The following DCC variants were observed in gnomAD, a reference collection of about 807,000 sequenced individuals.
DCC encodes DCC netrin 1 receptor, also known as netrin receptor DCC.
In DCC, 58 loss-of-function variants were observed where a neutral mutation model predicts 172.5. The ratio of observed to expected loss-of-function variants is 0.34; its 90% CI spans 0.27 to 0.42. The LOEUF (loss-of-function observed/expected upper bound fraction) is 0.42. DCC is among the 10% of genes least tolerant of loss of function. The probability of loss-of-function intolerance (pLI) is 1.00; values close to 1 mark genes in which losing one functional copy is unlikely to be tolerated. For synonymous variants in DCC, 709 were observed against 644.5 expected (o/e 1.10, Z -1.52); for missense variants, 1,740 against 1,791.0 (o/e 0.97, Z 0.51).
chr18:53,060,535 T>C (rs942908067), intron 5 of DCC, among the ~76,000 whole-genome samples: 1 of 152,150 alleles, frequency 6.6e-6, no homozygotes, highest in Admixed American at 6.5e-5. Flanking sequence ...TTACAAAATA[T>C]AGATTAGAAC....
At chr18:52,477,752 T>G (rs536375559) in intron 1 of DCC, among the ~76,000 whole-genome samples, 2 of 152,260 alleles carry the variant, frequency 1.3e-5, no homozygotes, top group South Asian at 4.1e-4. Flanking sequence ...CAATCAGAAC[T>G]CTCCAGCTCT....
At chr18:52,594,985 G>A (rs548174083) in intron 1 of DCC, among the ~76,000 whole-genome samples, 2 of 152,240 alleles carry the variant, frequency 1.3e-5, no homozygotes, top group Admixed American at 1.3e-4. Context: ...TCTTCTATTT[G>A]TTTGACATTT....
intron 7 of DCC, among the ~76,000 whole-genome samples, chr18:53,073,521 G>A (rs527565209): frequency 2.4e-4 from 36 of 152,060 alleles, no homozygotes; most frequent in African/African-American, 8.0e-4. Context: ...GCGAGACTCC[G>A]TCTCAAAATA....
chr18:53,498,846 ACT>A (rs1307912970), intron 26 of DCC, among the ~76,000 whole-genome samples: 1 of 152,128 alleles, frequency 6.6e-6, no homozygotes, highest in Non-Finnish European at 1.5e-5. Flanking sequence ...GCATCCTGTA[ACT>A]CTGATTTGTT....
intron 22 of DCC, among the ~76,000 whole-genome samples, chr18:53,435,927 C>A (rs965859781): frequency 6.6e-6 from 1 of 152,086 alleles, no homozygotes; most frequent in East Asian, 1.9e-4. Flanking sequence ...ATGTATGAGG[C>A]CATGTTATAA....
intron 5 of DCC, among the ~76,000 whole-genome samples, chr18:52,989,564 T>C (rs1054892246): frequency 1.3e-5 from 2 of 152,160 alleles, no homozygotes; most frequent in African/African-American, 4.8e-5. Context: ...TTTGGTGAAG[T>C]TAGTCACTGA....
intron 5 of DCC, among the ~76,000 whole-genome samples, chr18:52,980,944 ATTT>A (rs35143538): frequency 3.4e-5 from 5 of 145,600 alleles, no homozygotes; most frequent in Admixed American, 6.9e-5. Context: ...ACATACTGCT[ATTT>A]TTTTTTTTTT....
chr18:53,340,517 C>T (rs904600861), intron 15 of DCC, among the ~76,000 whole-genome samples: 1 of 152,128 alleles, frequency 6.6e-6, no homozygotes, highest in Non-Finnish European at 1.5e-5. Flanking sequence ...TCTAGGTTCT[C>T]TTATTGTACT....
intron 1 of DCC, among the ~76,000 whole-genome samples, chr18:52,353,451 A>G (rs1270672730): frequency 6.6e-6 from 1 of 152,138 alleles, no homozygotes; most frequent in Non-Finnish European, 1.5e-5. Flanking sequence ...CTGTGTCCCA[A>G]GTCTGATGCT....
rs142275424 is a variant in DCC, at chr18:53,302,114, A to G, written c.1912-3464A>G. 2.7e-3 allele frequency among the ~76,000 whole-genome samples: 414 copies of G among 152,284 alleles called. 1 individual carries two copies. Among genetic ancestry groups the G allele is most frequent in the African/African-American group, 9.6e-3 (398 of 41,546 alleles). On this transcript the variant is annotated intron_variant, in intron 12 of 28. Transcript: ENST00000442544. ...TCCTTATTTTCTTTTAGAGACACCA[A>G]TCATGTCATATTTAAGACCTACCCT...
At chr18:53,452,701 A>G (rs558276085) in intron 23 of DCC, among the ~76,000 whole-genome samples, 1 of 152,328 alleles carries the variant, frequency 6.6e-6, no homozygotes, top group East Asian at 1.9e-4. Context: ...AGTTAGTTGT[A>G]GAGTCACTTT....
At chr18:52,710,863 G>T (rs898619561) in intron 1 of DCC, among the ~76,000 whole-genome samples, 2 of 152,198 alleles carry the variant, frequency 1.3e-5, no homozygotes, top group African/African-American at 4.8e-5. Context: ...TAACTTTATT[G>T]TATTTCCAGA....
Position 52,556,273 on chromosome 18 carries a change from G to A in DCC, c.92-195781G>A, listed in dbSNP as rs1033869584. On this transcript the variant is annotated intron_variant, in intron 1 of 28. Coordinates refer to ENST00000442544, the MANE Select transcript of DCC (RefSeq NM_005215.4). ...AAGTTGTAACACAAAACAACTTCCC[G>A]TAGAATCATTGCCATAACTATATTA... is the stretch of plus-strand genomic sequence containing the variant. Among the ~76,000 whole-genome samples, 4 of 152,050 alleles carry A rather than the reference G, an allele frequency of 2.6e-5. No individual in the cohort carries two copies. In the South Asian group the frequency reaches 6.2e-4, roughly 24 times the overall value.
intron 1 of DCC, among the ~76,000 whole-genome samples, chr18:52,393,520 G>C (rs1986107525): frequency 6.6e-6 from 1 of 151,884 alleles, no homozygotes; most frequent in Non-Finnish European, 1.5e-5. Flanking sequence ...GAGGACCACT[G>C]GCCTGGATGT....
intron 7 of DCC, among the ~76,000 whole-genome samples, chr18:53,135,052 TC>T (rs2043719197): frequency 6.6e-6 from 1 of 152,160 alleles, no homozygotes; most frequent in South Asian, 2.1e-4. Flanking sequence ...TGCTAGAAAC[TC>T]TTATTCATTT....
chr18:52,491,098 A>G (rs1034771343), intron 1 of DCC, among the ~76,000 whole-genome samples: 5 of 152,032 alleles, frequency 3.3e-5, no homozygotes, highest in Admixed American at 3.3e-4. Context: ...GGCTTTCAAG[A>G]TGTTTTCAGA....
chr18:52,504,294 C>T (rs550782015), intron 1 of DCC, among the ~76,000 whole-genome samples: 2 of 152,094 alleles, frequency 1.3e-5, no homozygotes, highest in African/African-American at 4.8e-5. Context: ...ATCATGGAGG[C>T]CTTGAGTCTG....
At position 53,322,793 on chromosome 18, in the gene DCC, T is replaced by C. The variant is rs566296052; in HGVS notation, c.2164+636T>C. 5.9e-5 allele frequency among the ~76,000 whole-genome samples: 9 copies of C among 151,774 alleles called. No homozygotes were observed. In the South Asian group the frequency reaches 1.9e-3, roughly 32 times the overall value. On this transcript the variant is annotated intron_variant, in intron 14 of 28. Coordinates refer to ENST00000442544, the MANE Select transcript of DCC (RefSeq NM_005215.4). ...AATAAAAACATCATGACTAAATTTT[T>C]AAAATAAAATTTAAAATGAATGGGT...
At chr18:52,634,704 A>G (rs1568265961) in intron 1 of DCC, among the ~76,000 whole-genome samples, 1 of 152,184 alleles carries the variant, frequency 6.6e-6, no homozygotes, top group Non-Finnish European at 1.5e-5. Context: ...GTAGAGACCC[A>G]TAAGACTTAT....
Sources: allele counts gnomAD v4.1 joint callset (sites outside exome capture counted in the v4.1 genomes callset), GRCh38; gene constraint gnomAD v4.1.1; transcripts MANE v1.5; gene names NCBI Gene and HGNC (gene_info 2026-07-23, HGNC 2026-07-21).